GALNT13: variants seen among roughly 807,000 people sequenced by gnomAD.
GALNT13 encodes the protein polypeptide N-acetylgalactosaminyltransferase 13.
GALNT13 carries 28 observed loss-of-function variants against 64.2 expected under a neutral mutation model. The observed-to-expected ratio is 0.44, with a 90% CI of 0.32 to 0.60. The LOEUF (loss-of-function observed/expected upper bound fraction) is 0.60. Among genes scored for constraint, GALNT13 ranks in the 20% least tolerant of loss-of-function variants. The probability of loss-of-function intolerance (pLI) is 0.05; values close to 1 mark genes in which losing one functional copy is unlikely to be tolerated. For synonymous variants in GALNT13, 214 were observed against 224.6 expected, an observed-to-expected ratio of 0.95 and a Z score of 0.42; for missense variants, 577 against 669.8, an observed-to-expected ratio of 0.86 and a Z score of 1.53.
At chr2:154,042,344 A>G (rs1699025563) in intron 3 of GALNT13, among the ~76,000 whole-genome samples, 1 of 140,208 alleles carries the variant, frequency 7.1e-6, no homozygotes, top group Non-Finnish European at 1.6e-5. Flanking sequence ...CATAATTTTA[A>G]ATACTGTACT....
At chr2:154,041,142 TA>T (rs1213113705) in intron 3 of GALNT13, among the ~76,000 whole-genome samples, 1 of 140,720 alleles carries the variant, frequency 7.1e-6, no homozygotes, top group Non-Finnish European at 1.6e-5. Context: ...TGTTCTTTGG[TA>T]AAAAATCTTT....
chr2:153,879,784 G>A (rs1686657591), intron 1 of GALNT13, among the ~76,000 whole-genome samples: 1 of 152,068 alleles, frequency 6.6e-6, no homozygotes, highest in African/African-American at 2.4e-5. Flanking sequence ...AAGAAAAGCT[G>A]ATATTTCTCG....
the GALNT13 span, among the ~76,000 whole-genome samples, chr2:153,405,013 T>C: frequency 6.6e-6 from 1 of 152,194 alleles, no homozygotes; most frequent in Admixed American, 6.5e-5. Context: ...ATTTGGGTGC[T>C]TACATACTAC....
the GALNT13 span, among the ~76,000 whole-genome samples, chr2:153,257,174 G>T: frequency 2.0e-5 from 3 of 152,182 alleles, no homozygotes; most frequent in Admixed American, 1.3e-4. Context: ...TTTTAAGCCC[G>T]TCGGAAAAGC....
chr2:154,259,116 A>G lies in GALNT13; in HGVS notation c.953A>G (p.Glu318Gly), dbSNP rs1250844930. 6.3e-7 allele frequency: 1 copy of G among 1,589,950 alleles called. No homozygotes were observed. Among genetic ancestry groups the G allele is most frequent in the Admixed American group, 1.7e-5 (1 of 58,772 alleles). Residue 318 changes from glutamate (E) to glycine (G), a missense_variant, in exon 8 of 13, where the codon GAG becomes GGG. Glu to Gly is a moderately conservative substitution (Grantham distance 98). Around this residue, in one of 3 missense-constraint regions of GALNT13, gnomAD observed 341 missense variants for 379.3 expected, o/e 0.90. Coordinates refer to ENST00000392825, the MANE Select transcript of GALNT13 (RefSeq NM_052917.4). ...GCAGGAATGGATATCTGGGGTGGAG[A>G]GAATCTTGAAATGTCTTTTAGGGTA... ...YDAGMDIWGG[E>G]NLEMSFRIWQ...
chr2:153,730,710 A>AG, the GALNT13 span, among the ~76,000 whole-genome samples: 2 of 151,906 alleles, frequency 1.3e-5, no homozygotes, highest in East Asian at 1.9e-4. Flanking sequence ...AGAAAAAAAA[A>AG]TAAGCCCATT....
At chr2:153,733,330 T>C in the GALNT13 span, among the ~76,000 whole-genome samples, 1 of 152,150 alleles carries the variant, frequency 6.6e-6, no homozygotes, top group South Asian at 2.1e-4. Flanking sequence ...CTACTGAAGT[T>C]AGCCTGCCCT....
At chr2:154,137,715 C>T (rs527256469) in intron 3 of GALNT13, among the ~76,000 whole-genome samples, 8 of 152,104 alleles carry the variant, frequency 5.3e-5, no homozygotes, top group Non-Finnish European at 8.8e-5. Flanking sequence ...TTCCACAGAG[C>T]GAAATTTTAA....
chr2:153,498,804 T>C, the GALNT13 span, among the ~76,000 whole-genome samples: 2 of 152,138 alleles, frequency 1.3e-5, no homozygotes, highest in African/African-American at 4.8e-5. Flanking sequence ...TCAGCCCTGT[T>C]TGTGTTACAG....
the GALNT13 span, among the ~76,000 whole-genome samples, chr2:153,743,682 A>G: frequency 6.6e-6 from 1 of 152,190 alleles, no homozygotes; most frequent in Non-Finnish European, 1.5e-5. Flanking sequence ...AAAATATTCA[A>G]TTAAATTATT....
chr2:153,204,649 C>T, the GALNT13 span, among the ~76,000 whole-genome samples: 1 of 147,348 alleles, frequency 6.8e-6, no homozygotes, highest in African/African-American at 2.5e-5. Context: ...CCCTAGAATA[C>T]ATCTTGTTAG....
At chr2:154,144,110 A>T (rs747374689) in intron 4 of GALNT13, among the ~76,000 whole-genome samples, 1 of 152,030 alleles carries the variant, frequency 6.6e-6, no homozygotes, top group South Asian at 2.1e-4. Flanking sequence ...TAATGAAAAA[A>T]CTTTTCATTT....
At chr2:154,328,806 T>C (rs1354320782) in intron 9 of GALNT13, among the ~76,000 whole-genome samples, 1 of 152,152 alleles carries the variant, frequency 6.6e-6, no homozygotes, top group Admixed American at 6.6e-5. Context: ...TCTCAGGCTT[T>C]AAAAGTGTAA....
the GALNT13 span, chr2:153,478,872 C>A: frequency 1.7e-5 from 6 of 353,680 alleles, no homozygotes; most frequent in Non-Finnish European, 3.1e-5. Context: ...GTGCGGGCCG[C>A]GGCGGCTGCA....
At chr2:153,913,608 G>C (rs12611918) in intron 2 of GALNT13, among the ~76,000 whole-genome samples, 1 of 151,950 alleles carries the variant, frequency 6.6e-6, no homozygotes, top group African/African-American at 2.4e-5. Flanking sequence ...CCAACTGAAG[G>C]GTCCATGGTG....
the GALNT13 span, among the ~76,000 whole-genome samples, chr2:153,090,587 G>T: frequency 6.6e-6 from 1 of 152,216 alleles, no homozygotes; most frequent in Non-Finnish European, 1.5e-5. Flanking sequence ...CCAGCCAGGA[G>T]GTGGTGCTTT....
At chr2:153,142,910 T>C in the GALNT13 span, among the ~76,000 whole-genome samples, 1 of 152,012 alleles carries the variant, frequency 6.6e-6, no homozygotes, top group South Asian at 2.1e-4. Flanking sequence ...CTTGTAATTA[T>C]GCAGTTTTGC....
intron 12 of GALNT13, among the ~76,000 whole-genome samples, chr2:154,440,064 G>C (rs1048461831): frequency 6.6e-6 from 1 of 152,054 alleles, no homozygotes; most frequent in Non-Finnish European, 1.5e-5. Context: ...CTTCTATGAG[G>C]AAAAGTGCAG....
intron 2 of GALNT13, among the ~76,000 whole-genome samples, chr2:153,906,339 C>T (rs936959231): frequency 6.6e-6 from 1 of 150,410 alleles, no homozygotes; most frequent in African/African-American, 2.5e-5. Context: ...TGGTGTGCTG[C>T]ACCTATTAAC....
Sources: gnomAD v4.1 joint callset for allele counts (sites outside exome capture counted in the v4.1 genomes callset) on GRCh38, gnomAD v4.1.1 for gene constraint, gnomAD v4.1.1 regional missense constraint, MANE v1.5 for transcripts, NCBI Gene and HGNC (gene_info 2026-07-23, HGNC 2026-07-21) for gene names.